The following PACS1 variants were observed in gnomAD, a reference collection of about 807,000 sequenced individuals.
PACS1 encodes phosphofurin acidic cluster sorting protein 1, also known as PACS-1.
A neutral mutation model predicts 115.0 loss-of-function variants in PACS1; 24 were observed. The observed-to-expected ratio is 0.21, with a 90% CI of 0.15 to 0.29. The LOEUF is 0.29. Ranked by LOEUF, PACS1 falls within the 10% of genes least tolerant of loss-of-function variation. The probability of loss-of-function intolerance (pLI) is 1.00; values close to 1 mark genes in which losing one functional copy is unlikely to be tolerated. For synonymous variants in PACS1, 453 were observed against 504.5 expected, an observed-to-expected ratio of 0.90 and a Z score of 1.37; for missense variants, 838 against 1,251.2, an observed-to-expected ratio of 0.67 and a Z score of 4.98.
intron 1 of PACS1, among the ~76,000 whole-genome samples, chr11:66,163,330 G>A (rs1173587942): frequency 5.7e-5 from 8 of 141,148 alleles, no homozygotes; most frequent in Non-Finnish European, 9.0e-5. Context: ...CAGCATGGGC[G>A]ACAGAGTGAG....
At chr11:66,167,208 G>A (rs746516654) in intron 1 of PACS1, among the ~76,000 whole-genome samples, 8 of 150,016 alleles carry the variant, frequency 5.3e-5, no homozygotes, top group South Asian at 2.1e-4. Context: ...AACATGGAGC[G>A]TCTGTTCATG....
intron 1 of PACS1, among the ~76,000 whole-genome samples, chr11:66,169,616 C>T (rs1859690513): frequency 7.1e-6 from 1 of 140,464 alleles, no homozygotes; most frequent in Admixed American, 7.4e-5. Context: ...TTTCATTCAC[C>T]ATGTTGGCCA....
intron 1 of PACS1, among the ~76,000 whole-genome samples, chr11:66,156,207 TA>T (rs1859351082): frequency 0.011 from 23 of 2,110 alleles, 1 homozygote; most frequent in Admixed American, 0.11. Context: ...TTTTAAATTA[TA>T]TATATATATA....
intron 11 of PACS1, among the ~76,000 whole-genome samples, chr11:66,229,481 C>G (rs1384815613): frequency 6.6e-6 from 1 of 151,798 alleles, no homozygotes; most frequent in South Asian, 2.1e-4. Context: ...GGGCGGATCA[C>G]GAGGTCAGGA....
intron 1 of PACS1, among the ~76,000 whole-genome samples, chr11:66,116,661 G>A (rs1358384985): frequency 6.6e-6 from 1 of 152,148 alleles, no homozygotes; most frequent in African/African-American, 2.4e-5. Flanking sequence ...GGCTGAGGCA[G>A]GTGGATTACT....
At chr11:66,123,532 AT>A (rs1033349973) in intron 1 of PACS1, among the ~76,000 whole-genome samples, 1 of 146,242 alleles carries the variant, frequency 6.8e-6, no homozygotes, top group Non-Finnish European at 1.5e-5. Flanking sequence ...TTATTTATTT[AT>A]TTTTTTGGGA....
At chr11:66,096,021 A>G (rs1405761148) in intron 1 of PACS1, among the ~76,000 whole-genome samples, 1 of 150,810 alleles carries the variant, frequency 6.6e-6, no homozygotes, top group African/African-American at 2.4e-5. Flanking sequence ...TGCAACCTCC[A>G]CCTCCCAGGT....
At chr11:66,151,129 A>G (rs1235230459) in intron 1 of PACS1, among the ~76,000 whole-genome samples, 2 of 152,090 alleles carry the variant, frequency 1.3e-5, no homozygotes, top group Non-Finnish European at 1.5e-5. Flanking sequence ...CTAAATGTAT[A>G]GTGAAATCCC....
At chr11:66,127,770 C>A (rs1348575073) in intron 1 of PACS1, among the ~76,000 whole-genome samples, 1 of 152,116 alleles carries the variant, frequency 6.6e-6, no homozygotes, top group Non-Finnish European at 1.5e-5. Flanking sequence ...TAATACTCTA[C>A]AATAAATGCT....
At chr11:66,142,506 C>T (rs909208533) in intron 1 of PACS1, among the ~76,000 whole-genome samples, 70 of 151,444 alleles carry the variant, frequency 4.6e-4, no homozygotes, top group African/African-American at 1.7e-3. Flanking sequence ...TGGGGTTTCG[C>T]CATGGTGCCC....
intron 4 of PACS1, among the ~76,000 whole-genome samples, chr11:66,211,999 G>C (rs1855082505): frequency 6.6e-6 from 1 of 152,134 alleles, no homozygotes; most frequent in Non-Finnish European, 1.5e-5. Flanking sequence ...GCCTGATGTT[G>C]CCTCAAGATT....
At chr11:66,075,633 A>C (rs1231075576) in intron 1 of PACS1, among the ~76,000 whole-genome samples, 3 of 152,234 alleles carry the variant, frequency 2.0e-5, no homozygotes, top group Non-Finnish European at 2.9e-5. Context: ...GATCTATAGA[A>C]GCATGGGAGA....
chr11:66,229,904 C>G (rs1208884799), intron 11 of PACS1, among the ~76,000 whole-genome samples: 2 of 150,194 alleles, frequency 1.3e-5, no homozygotes, highest in African/African-American at 5.0e-5. Flanking sequence ...CAAGGTTGCG[C>G]CAAGATTGTG....
In PACS1 at chr11:66,241,299, G is replaced by C. The variant is rs1045166536; in HGVS notation, c.2430-128G>C. The C allele has an allele frequency of 5.6e-5, 36 of 637,300 alleles. No individual in the cohort carries two copies. In the African/African-American group the frequency reaches 6.4e-4, roughly 11 times the overall value. The allele number at this position is 637,300 out of a possible 1,614,324, so 39.5% of individuals were successfully genotyped here. On this transcript the variant is annotated intron_variant, in intron 21 of 23. Coordinates refer to ENST00000320580, the MANE Select transcript of PACS1 (RefSeq NM_018026.4). Reference sequence around the variant, plus strand: ...CTACATGAGCTGCTCTGTGTGGCTGGAGGGAACAGAGCTGCAGCCTTCCTC... The same window carrying C: ...CTACATGAGCTGCTCTGTGTGGCTGCAGGGAACAGAGCTGCAGCCTTCCTC...
intron 10 of PACS1, among the ~76,000 whole-genome samples, chr11:66,224,195 C>CAAAA (rs71036281): frequency 7.4e-5 from 6 of 81,268 alleles, no homozygotes; most frequent in Admixed American, 1.5e-4. Context: ...GACTCCATCT[C>CAAAA]AAAAAAAAAA....
chr11:66,145,437 C>T (rs1445316882), intron 1 of PACS1, among the ~76,000 whole-genome samples: 3 of 152,066 alleles, frequency 2.0e-5, no homozygotes, highest in Non-Finnish European at 4.4e-5. Context: ...CAAGGAAGGC[C>T]AACAGTTCTG....
In PACS1 at chr11:66,243,475, C is replaced by A; in HGVS notation, c.*195C>A. The A allele has an allele frequency of 1.7e-6, 1 of 589,718 alleles. No individual in the cohort carries two copies. The highest frequency in any genetic ancestry group is 3.0e-6 in the Non-Finnish European group (1 of 329,840). 36.5% of individuals were successfully genotyped at this position (589,718 alleles called of 1,614,324 possible). On this transcript the variant is annotated 3_prime_UTR_variant, in exon 24 of 24. Transcript: ENST00000320580. ...TCCCCTCCAGCCCACCCCTGCACAGCCCCTCCTCCTTCCCGCTTTTCCCCT... is the reference window on the plus strand; with the variant it reads ...TCCCCTCCAGCCCACCCCTGCACAGACCCTCCTCCTTCCCGCTTTTCCCCT...
chr11:66,123,441 C>T (rs975370004), intron 1 of PACS1, among the ~76,000 whole-genome samples: 2 of 152,174 alleles, frequency 1.3e-5, no homozygotes, highest in Non-Finnish European at 2.9e-5. Context: ...ATCCACCTGC[C>T]TCGGCCTCCC....
At chr11:66,204,585 TGTG>T (rs537599407) in intron 2 of PACS1, among the ~76,000 whole-genome samples, 23 of 152,066 alleles carry the variant, frequency 1.5e-4, no homozygotes, top group African/African-American at 5.5e-4. Context: ...ATAAAGAAAA[TGTG>T]GTACATATAC....
Sources: allele counts gnomAD v4.1 joint callset (sites outside exome capture counted in the v4.1 genomes callset), GRCh38; gene constraint gnomAD v4.1.1; transcripts MANE v1.5; gene names NCBI Gene and HGNC (gene_info 2026-07-23, HGNC 2026-07-21).